The following PFKM variants were observed in gnomAD, a reference collection of about 807,000 sequenced individuals.
The protein encoded by PFKM is ATP-dependent 6-phosphofructokinase, muscle type.
A neutral mutation model predicts 95.5 loss-of-function variants in PFKM; 58 were observed. The observed-to-expected ratio is 0.61, with a 90% confidence interval of 0.49 to 0.76. The LOEUF is 0.76. PFKM is among the 30% of genes least tolerant of loss of function. The pLI is 0.00. For missense variants in PFKM, 678 were observed against 1,005.4 expected, an observed-to-expected ratio of 0.67 and a Z score of 4.40; for synonymous variants, 336 against 357.2, an observed-to-expected ratio of 0.94 and a Z score of 0.67.
chr12:48,143,950 T>G (rs757587219), intron 19 of PFKM, 96 bp from the exon 20 acceptor site: 8 of 1,124,198 alleles, frequency 7.1e-6, no homozygotes, highest in Non-Finnish European at 1.1e-5. Flanking sequence ...CCTTGAATCC[T>G]TGGAGGAGAT....
Position 48,145,280 on chromosome 12 carries a change from A to G in PFKM, c.2163A>G (p.Gln721=). 3.1e-6 allele frequency: 5 copies of G among 1,614,084 alleles called. No individual in the cohort carries two copies. The highest frequency in any genetic ancestry group is 3.3e-4 in the Middle Eastern group (2 of 6,058). Residue 721 remains glutamine, a synonymous_variant, in exon 22 of 23, where the codon CAA becomes CAG. Transcript: ENST00000359794. The surrounding 1 kb of genome is among the most constrained non-coding windows in gnomAD (Gnocchi z 4.3). Reference sequence around the variant, plus strand: ...TGCGTAAGAGGGCTCTGGTCTTCCAACCAGTGGCTGAGCTGAAGGACCAGA... The same window carrying G: ...TGCGTAAGAGGGCTCTGGTCTTCCAGCCAGTGGCTGAGCTGAAGGACCAGA... The part of the protein sequence containing the change: ...LGMRKRALVF[Q]PVAELKDQTD...
chr12:48,125,888 C>G (rs1010342807), intron 2 of PFKM, among the ~76,000 whole-genome samples: 2 of 152,220 alleles, frequency 1.3e-5, no homozygotes, highest in Middle Eastern at 3.4e-3. Flanking sequence ...ATGTTTATTC[C>G]TCATATATTT....
chr12:48,126,685 A>G (rs2135782184), intron 2 of PFKM, among the ~76,000 whole-genome samples: 1 of 152,334 alleles, frequency 6.6e-6, no homozygotes, highest in South Asian at 2.1e-4. Context: ...ACAGGAAACA[A>G]TGTTCCAACC....
chr12:48,120,696 G>A (rs1392020839), intron 1 of PFKM, among the ~76,000 whole-genome samples: 1 of 152,198 alleles, frequency 6.6e-6, no homozygotes, highest in Non-Finnish European at 1.5e-5. Context: ...TTTTTCACAT[G>A]TCATGAAGTA....
At chr12:48,119,031 C>T (rs150795230), upstream of PFKM, among the ~76,000 whole-genome samples, 230 of 152,284 alleles carry the variant, frequency 1.5e-3, no homozygotes, top group Admixed American at 3.7e-3. Flanking sequence ...GTGTCTCAGG[C>T]AGTCTGGACT....
intron 3 of PFKM, among the ~76,000 whole-genome samples, chr12:48,113,340 A>G (rs974493062): frequency 6.6e-6 from 1 of 152,172 alleles, no homozygotes; most frequent in Admixed American, 6.5e-5. Context: ...AGAGTTACCT[A>G]AAGCGTCTGT....
intron 3 of PFKM, among the ~76,000 whole-genome samples, chr12:48,110,900 T>C (rs1947124888): frequency 6.6e-6 from 1 of 152,138 alleles, no homozygotes; most frequent in Non-Finnish European, 1.5e-5. Flanking sequence ...CACTGGGGCA[T>C]AGCAAGGGTG....
chr12:48,125,698 A>G (rs566359913), intron 2 of PFKM: 49 of 157,990 alleles, frequency 3.1e-4, no homozygotes, highest in Non-Finnish European at 4.6e-4. Context: ...GGCTCAAGCA[A>G]TCCTCTTGCC....
chr12:48,108,507 A>G (rs984711437), intron 3 of PFKM, among the ~76,000 whole-genome samples: 3 of 152,218 alleles, frequency 2.0e-5, no homozygotes, highest in Non-Finnish European at 4.4e-5. Context: ...ACTGTAAACT[A>G]CTAATCTGGT....
chr12:48,144,996 C>T (rs768573901), intron 20 of PFKM, 35 bp from the exon 21 acceptor site: 5 of 1,414,582 alleles, frequency 3.5e-6, no homozygotes, highest in Admixed American at 1.7e-5. Flanking sequence ...TCATTAGAGT[C>T]CTTCCCTCTG....
At chr12:48,139,730 C>T (rs1237794592) in intron 12 of PFKM, 119 bp from the exon 13 acceptor site, 2 of 756,094 alleles carry the variant, frequency 2.6e-6, no homozygotes, top group East Asian at 2.6e-5. Context: ...CAGTTCTGTC[C>T]TCAGAGGTTT....
intron 2 of PFKM, among the ~76,000 whole-genome samples, chr12:48,124,628 T>C (rs1948631989): frequency 6.6e-6 from 1 of 152,186 alleles, no homozygotes; most frequent in Admixed American, 6.5e-5. Context: ...AACTCACTGC[T>C]GTAAGAAAAA....
chr12:48,105,501 C>A, upstream of PFKM: 2 of 518,934 alleles, frequency 3.9e-6, no homozygotes, highest in South Asian at 2.8e-5. Context: ...GTGGCACTAG[C>A]GATATCACAT....
At chr12:48,139,210 C>T (rs1181434493) in intron 11 of PFKM, 75 bp from the exon 12 acceptor site, 18 of 1,154,174 alleles carry the variant, frequency 1.6e-5, no homozygotes, top group Admixed American at 6.8e-5. Flanking sequence ...GGGCAGAGTT[C>T]GACTGTGGGA....
chr12:48,117,911 G>C (rs184137299), upstream of PFKM, among the ~76,000 whole-genome samples: 128 of 152,250 alleles, frequency 8.4e-4, no homozygotes, highest in Non-Finnish European at 6.3e-4. Context: ...AAGCAGGGAG[G>C]GGGGAGCGGG....
chr12:48,139,566 G>A lies in PFKM; in HGVS notation c.1127+217G>A, dbSNP rs77605341. 4,193 of 621,324 alleles carry A rather than the reference G, an allele frequency of 6.7e-3. 124 individuals are homozygous for A. The highest frequency in any genetic ancestry group is 0.067 in the African/African-American group (3,660 of 54,562). 38.5% of individuals were successfully genotyped at this position (621,324 alleles called of 1,614,324 possible). Reference sequence around the variant, plus strand: ...CCCTGGCATCAACCTTTTATAATCTGTTATTTCTATATGTGAGCCCCAGCA... The same window carrying A: ...CCCTGGCATCAACCTTTTATAATCTATTATTTCTATATGTGAGCCCCAGCA... On this transcript the variant is annotated intron_variant, in intron 12 of 22. Coordinates refer to ENST00000359794, the MANE Select transcript of PFKM (RefSeq NM_000289.6).
chr12:48,125,784 G>A (rs545015682), intron 2 of PFKM, among the ~76,000 whole-genome samples: 2 of 152,164 alleles, frequency 1.3e-5, no homozygotes, highest in East Asian at 1.9e-4. Flanking sequence ...AGGTTCGCAC[G>A]AACAGAGATC....
chr12:48,118,738 A>C (rs11168415), upstream of PFKM, among the ~76,000 whole-genome samples: 44,791 of 152,136 alleles, frequency 0.29, 6,732 homozygotes, highest in Non-Finnish European at 0.31. Flanking sequence ...GGCCTCACAG[A>C]CACGCCCTTC....
At chr12:48,137,376 C>T in intron 10 of PFKM, 1 of 351,970 alleles carries the variant, frequency 2.8e-6, no homozygotes, top group South Asian at 2.4e-5. Context: ...CAGTTTAAAC[C>T]CTCTTATCCT....
Sources: gnomAD v4.1 joint callset for allele counts (sites outside exome capture counted in the v4.1 genomes callset) on GRCh38, gnomAD v4.1.1 for gene constraint, Gnocchi (gnomAD v3.1) non-coding constraint, MANE v1.5 for transcripts, NCBI Gene and HGNC (gene_info 2026-07-23, HGNC 2026-07-21) for gene names.